Variants in NBEA observed in about 807,000 individuals in gnomAD.
NBEA encodes neurobeachin.
In NBEA, 44 loss-of-function variants were observed where a neutral mutation model predicts 343.4. The observed-to-expected ratio is 0.13, with a 90% CI of 0.10 to 0.16. NBEA has a LOEUF of 0.16. NBEA is among the 10% of genes least tolerant of loss of function. The pLI, the probability that NBEA is intolerant of heterozygous loss-of-function variation, is 1.00. For synonymous variants in NBEA, 1,175 were observed against 1,238.7 expected (o/e 0.95, Z 1.08); for missense variants, 2,555 against 3,631.3 (o/e 0.70, Z 7.62).
At chr13:35,079,027 C>CA (rs952054557) in intron 10 of NBEA, among the ~76,000 whole-genome samples, 2 of 151,608 alleles carry the variant, frequency 1.3e-5, no homozygotes, top group African/African-American at 2.4e-5. Context: ...TCTTTAAAAA[C>CA]AAAAAACAAA....
intron 30 of NBEA, among the ~76,000 whole-genome samples, chr13:35,188,221 A>G (rs2071870233): frequency 6.6e-6 from 1 of 151,762 alleles, no homozygotes; most frequent in African/African-American, 2.4e-5. Flanking sequence ...AAGTCAAGCT[A>G]ATTAATGTCT....
At chr13:35,152,908 C>T (rs1410939351) in intron 18 of NBEA, among the ~76,000 whole-genome samples, 1 of 152,090 alleles carries the variant, frequency 6.6e-6, no homozygotes, top group Non-Finnish European at 1.5e-5. Context: ...ATATCTCTTA[C>T]CAATCCAGTC....
chr13:35,080,815 G>A (rs546708911), intron 10 of NBEA, among the ~76,000 whole-genome samples: 6 of 152,236 alleles, frequency 3.9e-5, no homozygotes, highest in African/African-American at 1.4e-4. Context: ...TCAGGCATGA[G>A]ACACATAAAT....
chr13:34,969,228 C>T (rs374361941), intron 1 of NBEA, among the ~76,000 whole-genome samples: 1 of 151,806 alleles, frequency 6.6e-6, no homozygotes, highest in East Asian at 1.9e-4. Flanking sequence ...GTTCCACATT[C>T]TGAGAGCTGT....
intron 33 of NBEA, among the ~76,000 whole-genome samples, chr13:35,212,789 G>A (rs1309104132): frequency 6.6e-6 from 1 of 152,030 alleles, no homozygotes; most frequent in East Asian, 1.9e-4. Context: ...AAATGAGGTT[G>A]AATACTTTTT....
chr13:35,404,845 G>A (rs375466335), intron 38 of NBEA, among the ~76,000 whole-genome samples: 3 of 151,972 alleles, frequency 2.0e-5, no homozygotes, highest in Non-Finnish European at 2.9e-5. Context: ...CATGTGATAC[G>A]AAATAAATAT....
rs892417415 is a variant in NBEA, at chr13:35,653,531, G to A, written c.8036-1324G>A. On this transcript the variant is annotated intron_variant, in intron 53 of 58. Transcript: ENST00000379939. ...TTTTTAGTAGAGACAGGGTTTCACC[G>A]TGTTGGCCAGGCTGGTCTCGAACTC... is the stretch of plus-strand genomic sequence containing the variant. 4.0e-5 allele frequency among the ~76,000 whole-genome samples: 6 copies of A among 151,876 alleles called. No homozygotes were observed. In the East Asian group the frequency reaches 7.8e-4, roughly 20 times the overall value.
At chr13:35,156,232 C>T in intron 20 of NBEA, 26 bp downstream of exon 20, 1 of 1,508,776 alleles carries the variant, frequency 6.6e-7, no homozygotes, top group South Asian at 1.3e-5. Context: ...ACTGTAACAA[C>T]ACTTTATTCC....
At chr13:35,645,559 A>T (rs1008061732) in intron 49 of NBEA, among the ~76,000 whole-genome samples, 1 of 152,172 alleles carries the variant, frequency 6.6e-6, no homozygotes, top group Non-Finnish European at 1.5e-5. Context: ...GCTTTAATGA[A>T]ATATTGTATA....
intron 38 of NBEA, among the ~76,000 whole-genome samples, chr13:35,407,474 A>G (rs1158842898): frequency 6.6e-6 from 1 of 151,800 alleles, no homozygotes; most frequent in African/African-American, 2.4e-5. Flanking sequence ...ATCAAATATA[A>G]AGACATCTAA....
intron 38 of NBEA, among the ~76,000 whole-genome samples, chr13:35,383,420 G>A (rs1012167014): frequency 1.3e-5 from 2 of 152,178 alleles, no homozygotes; most frequent in Non-Finnish European, 2.9e-5. Flanking sequence ...ATGTAACATA[G>A]TTCAGTCTAA....
At position 35,119,783 on chromosome 13, in the gene NBEA, G is replaced by A. The variant is rs925715573; in HGVS notation, c.2243+1309G>A. On this transcript the variant is annotated intron_variant, in intron 16 of 58. Transcript: ENST00000379939. ...TGTATTTTGTTTTAGTAGAGACGGG[G>A]TTTCACCATGTTAGCCAGGATGGTC... is the stretch of plus-strand genomic sequence containing the variant. Among the ~76,000 whole-genome samples the A allele has an allele frequency of 6.6e-5, 10 of 152,104 alleles. No homozygotes were observed. The East Asian group carries it at 1.9e-3, about 29-fold the overall frequency.
rs146396146 is a variant in NBEA, at chr13:35,646,324, G to A, written c.7746G>A (p.Pro2582=). The change falls in exon 51 of 59, where the codon CCG becomes CCA. Residue 2582 remains proline (P), a synonymous_variant. Transcript: ENST00000379939. ...CTCAGTTGCTTATTGAGCCACATCC[G>A]CCTCGGAGCTCTGCCATGCACCTGG... is the stretch of plus-strand genomic sequence containing the variant. ...TPSQLLIEPH[P]PRSSAMHLCF... The A allele has an allele frequency of 1.6e-3, 2,649 of 1,613,588 alleles. 12 individuals are homozygous for A. The highest frequency in any genetic ancestry group is 0.01 in the Middle Eastern group (61 of 6,062).
intron 1 of NBEA, among the ~76,000 whole-genome samples, chr13:34,989,144 A>G (rs1303091773): frequency 6.6e-6 from 1 of 150,850 alleles, no homozygotes; most frequent in Non-Finnish European, 1.5e-5. Context: ...CTAGCTTTTC[A>G]GTCTAGAGTT....
chr13:35,198,170 T>C (rs1244464105), intron 31 of NBEA, among the ~76,000 whole-genome samples: 1 of 152,176 alleles, frequency 6.6e-6, no homozygotes, highest in Non-Finnish European at 1.5e-5. Context: ...TCACATTTAT[T>C]TCACCTTTTT....
chr13:34,999,266 T>C (rs181091067), intron 1 of NBEA, among the ~76,000 whole-genome samples: 2 of 152,310 alleles, frequency 1.3e-5, no homozygotes, highest in East Asian at 3.9e-4. Context: ...GATATTTTGA[T>C]ACAGGTGTAC....
chr13:35,414,278 C>G (rs1013363518), intron 38 of NBEA, among the ~76,000 whole-genome samples: 1 of 152,006 alleles, frequency 6.6e-6, no homozygotes, highest in African/African-American at 2.4e-5. Flanking sequence ...ATGTGCACAA[C>G]GTGCAGGTTT....
chr13:35,557,842 A>C (rs2079651386), intron 44 of NBEA, among the ~76,000 whole-genome samples: 1 of 152,122 alleles, frequency 6.6e-6, no homozygotes. Flanking sequence ...TGGGGAGAAA[A>C]AAAGAGAAGA....
intron 33 of NBEA, among the ~76,000 whole-genome samples, chr13:35,222,939 C>T (rs1310765419): frequency 6.6e-6 from 1 of 152,084 alleles, no homozygotes; most frequent in East Asian, 1.9e-4. Context: ...GAGTACTAGC[C>T]TGGCCAACAT....
Sources: allele counts gnomAD v4.1 joint callset (sites outside exome capture counted in the v4.1 genomes callset), GRCh38; gene constraint gnomAD v4.1.1; transcripts MANE v1.5; gene names NCBI Gene and HGNC (gene_info 2026-07-23, HGNC 2026-07-21).